Variants in PRELID2 observed in about 807,000 individuals in gnomAD.
PRELID2 encodes PRELI domain containing 2.
In PRELID2, 25 loss-of-function variants were observed where a neutral mutation model predicts 28.4. The ratio of observed to expected loss-of-function variants is 0.88; its 90% CI spans 0.64 to 1.23. The LOEUF (loss-of-function observed/expected upper bound fraction) is 1.23. Among genes scored for constraint, PRELID2 ranks in the 50% most tolerant of loss-of-function variants. The pLI is 0.00. For missense variants in PRELID2, 201 were observed against 214.4 expected (o/e 0.94, Z 0.39); for synonymous variants, 76 against 71.6 (o/e 1.06, Z -0.31).
the PRELID2 span, among the ~76,000 whole-genome samples, chr5:145,445,159 C>A: frequency 2.2e-3 from 337 of 152,060 alleles, 1 homozygote; most frequent in African/African-American, 7.4e-3. Context: ...AACAAAAGAG[C>A]ATGACACTGG....
At chr5:145,432,987 G>A in the PRELID2 span, among the ~76,000 whole-genome samples, 84 of 152,026 alleles carry the variant, frequency 5.5e-4, 1 homozygote, top group South Asian at 2.1e-4. Context: ...ATAAAGGGAC[G>A]AGAAGGGTCA....
At chr5:145,339,143 G>A in the PRELID2 span, among the ~76,000 whole-genome samples, 3 of 152,170 alleles carry the variant, frequency 2.0e-5, no homozygotes, top group Admixed American at 2.0e-4. Context: ...GAGGCAAGAT[G>A]GCTGACTAGA....
At chr5:145,668,396 A>AG (rs1186990473) in intron 1 of PRELID2, among the ~76,000 whole-genome samples, 1 of 151,876 alleles carries the variant, frequency 6.6e-6, no homozygotes, top group Admixed American at 6.6e-5. Context: ...CAGGCAGTCT[A>AG]GGGGTACATT....
chr5:145,530,263 T>C (rs1367658974), intron 1 of PRELID2, among the ~76,000 whole-genome samples: 2 of 152,148 alleles, frequency 1.3e-5, no homozygotes, highest in Non-Finnish European at 2.9e-5. Context: ...GTTTCATTCA[T>C]TGCCAGTTGA....
At chr5:145,291,335 C>CACAAAAAAAAAAAAAAAAAAAA in the PRELID2 span, among the ~76,000 whole-genome samples, 3 of 57,470 alleles carry the variant, frequency 5.2e-5, no homozygotes, top group African/African-American at 3.3e-4. Context: ...GACTCTGTTT[C>CACAAAAAAAAAAAAAAAAAAAA]AGAAAAAAAA....
chr5:145,507,657 G>A (rs1447102533), intron 1 of PRELID2, among the ~76,000 whole-genome samples: 2 of 152,142 alleles, frequency 1.3e-5, no homozygotes, highest in African/African-American at 4.8e-5. Context: ...TGCAAGTGCT[G>A]AGGGACTTTT....
At chr5:145,323,659 T>C in the PRELID2 span, among the ~76,000 whole-genome samples, 14 of 152,162 alleles carry the variant, frequency 9.2e-5, 1 homozygote, top group Admixed American at 9.2e-4. Context: ...TTCCCTTCTT[T>C]GTGTCCATGT....
downstream of PRELID2, among the ~76,000 whole-genome samples, chr5:145,469,182 T>C (rs1256943235): frequency 6.6e-6 from 1 of 152,068 alleles, no homozygotes; most frequent in African/African-American, 2.4e-5. Flanking sequence ...CCTTCGCCCC[T>C]TAGACTTTTG....
At chr5:145,394,186 G>A in the PRELID2 span, among the ~76,000 whole-genome samples, 8 of 152,142 alleles carry the variant, frequency 5.3e-5, no homozygotes, top group East Asian at 3.9e-4. Context: ...CAACCTAAAC[G>A]TCCAACAATG....
chr5:145,237,858 G>C, the PRELID2 span, among the ~76,000 whole-genome samples: 1 of 152,084 alleles, frequency 6.6e-6, no homozygotes, highest in Non-Finnish European at 1.5e-5. Flanking sequence ...CTTCTGGAAA[G>C]AAGTGGTCAG....
At chr5:145,257,929 T>G in the PRELID2 span, among the ~76,000 whole-genome samples, 1 of 152,164 alleles carries the variant, frequency 6.6e-6, no homozygotes, top group Non-Finnish European at 1.5e-5. Context: ...TGGTTTAGCA[T>G]CATTCTCTTG....
chr5:145,808,079 T>C (rs1753643578), intron 4 of PRELID2, among the ~76,000 whole-genome samples: 1 of 152,138 alleles, frequency 6.6e-6, no homozygotes, highest in Non-Finnish European at 1.5e-5. Flanking sequence ...CTGCTAATTG[T>C]TTGATTATCC....
intron 1 of PRELID2, among the ~76,000 whole-genome samples, chr5:145,540,455 T>C (rs1454933116): frequency 6.6e-6 from 1 of 151,952 alleles, no homozygotes. Flanking sequence ...AAATAAATTA[T>C]GGTGTGTCCA....
chr5:145,448,299 G>A, the PRELID2 span, among the ~76,000 whole-genome samples: 13 of 151,736 alleles, frequency 8.6e-5, no homozygotes, highest in East Asian at 9.7e-4. Flanking sequence ...CATGTCCTTC[G>A]CCCACTTGTT....
At position 145,761,836 on chromosome 5, in the gene PRELID2, C is replaced by T. The variant is rs565854610; in HGVS notation, c.*11-1311G>A. Reference sequence around the variant, plus strand: ...ATTTCCCCCACTTCTTTTAATGTAGCATTTTACAACACATGAAAACAGTAG... The same window carrying T: ...ATTTCCCCCACTTCTTTTAATGTAGTATTTTACAACACATGAAAACAGTAG... On this transcript the variant is annotated intron_variant, in intron 6 of 6. Coordinates refer to ENST00000683046, the MANE Select transcript of PRELID2 (RefSeq NM_205846.3). 3.3e-5 allele frequency among the ~76,000 whole-genome samples: 5 copies of T among 152,204 alleles called. No individual in the cohort carries two copies. In the South Asian group the frequency reaches 1.0e-3, roughly 32 times the overall value.
rs1277655705 is a variant in PRELID2, at chr5:145,747,956, C to G, written n.70+16975G>C. 2.6e-5 allele frequency among the ~76,000 whole-genome samples: 4 copies of G among 151,950 alleles called. No homozygotes were observed. In the East Asian group the frequency reaches 7.7e-4, roughly 29 times the overall value. On this transcript the variant is annotated intron_variant and non_coding_transcript_variant, in intron 1 of 2. Transcript: ENST00000510259. ...AGAAAAGGCCTTTGATAAAATTCAA[C>G]ATCCCTTCATGTTAAAAACTCTCAA...
chr5:145,590,690 A>T (rs1403097562), intron 1 of PRELID2, among the ~76,000 whole-genome samples: 1 of 152,076 alleles, frequency 6.6e-6, no homozygotes, highest in Non-Finnish European at 1.5e-5. Flanking sequence ...TCCTCATCCT[A>T]TTTCTTTTCA....
At chr5:145,454,967 G>T in the PRELID2 span, among the ~76,000 whole-genome samples, 1 of 152,144 alleles carries the variant, frequency 6.6e-6, no homozygotes, top group African/African-American at 2.4e-5. Context: ...TTGCTGTGCA[G>T]AAGCTCTTTA....
At chr5:145,463,478 G>C in the PRELID2 span, among the ~76,000 whole-genome samples, 1 of 150,936 alleles carries the variant, frequency 6.6e-6, no homozygotes, top group Admixed American at 6.6e-5. Context: ...TATATCTTTT[G>C]CATAGTTTTC....
Sources: gnomAD v4.1 joint callset for allele counts (sites outside exome capture counted in the v4.1 genomes callset) on GRCh38, gnomAD v4.1.1 for gene constraint, MANE v1.5 for transcripts, NCBI Gene and HGNC (gene_info 2026-07-23, HGNC 2026-07-21) for gene names.